The following NDUFS4 variants were observed in gnomAD, a reference collection of about 807,000 sequenced individuals.
The protein encoded by NDUFS4 is NADH:ubiquinone oxidoreductase subunit S4, also known as NADH dehydrogenase [ubiquinone] iron-sulfur protein 4, mitochondrial.
NDUFS4 carries 28 observed loss-of-function variants against 24.3 expected under a neutral mutation model. That is an observed-to-expected ratio of 1.15 (90% confidence interval 0.85 to 1.58). The LOEUF (loss-of-function observed/expected upper bound fraction) is 1.58. Among genes scored for constraint, NDUFS4 ranks in the 40% most tolerant of loss-of-function variants. The probability of loss-of-function intolerance (pLI) is 0.00; values close to 1 mark genes in which losing one functional copy is unlikely to be tolerated. For synonymous variants in NDUFS4, 93 were observed against 69.7 expected (o/e 1.34, Z -1.67); for missense variants, 223 against 207.9 (o/e 1.07, Z -0.45).
chr5:53,629,356 T>C (rs1751329425), intron 2 of NDUFS4, among the ~76,000 whole-genome samples: 2 of 152,192 alleles, frequency 1.3e-5, no homozygotes, highest in Admixed American at 6.5e-5. Context: ...GTATATTCTA[T>C]TGATTTGGGG....
chr5:53,567,818 C>G (rs937527783), intron 1 of NDUFS4, among the ~76,000 whole-genome samples: 1 of 152,064 alleles, frequency 6.6e-6, no homozygotes, highest in Admixed American at 6.5e-5. Flanking sequence ...AAATGAAATT[C>G]TGATGATGGC....
intron 3 of NDUFS4, among the ~76,000 whole-genome samples, chr5:53,655,624 T>C (rs1752138652): frequency 6.6e-6 from 1 of 151,970 alleles, no homozygotes; most frequent in Non-Finnish European, 1.5e-5. Context: ...ATTCAAACAA[T>C]TAATATAGAG....
intron 1 of NDUFS4, among the ~76,000 whole-genome samples, chr5:53,569,707 C>G: frequency 6.6e-6 from 1 of 152,136 alleles, no homozygotes; most frequent in Non-Finnish European, 1.5e-5. Context: ...CTTGTCAGCC[C>G]TTCAGATAAT....
In NDUFS4 at chr5:53,682,920, A is replaced by AATCT. The variant is rs1740717212; in HGVS notation, c.425-197_425-194dup. On this transcript the variant is annotated intron_variant, in intron 4 of 4. Transcript: ENST00000296684. ...GAGATATGGTAAATAATCTGCAGGC[A>AATCT]ATCTTTTGGACCCTTTTCTCACAGA... 1.3e-4 allele frequency among the ~76,000 whole-genome samples: 19 copies of AATCT among 143,076 alleles called. 1 individual carries two copies. In the South Asian group the frequency reaches 4.2e-3, roughly 32 times the overall value. The allele number at this position is 143,076 out of a possible 152,430, so 93.9% of individuals were successfully genotyped here. A position where few individuals can be genotyped will look rare whatever the true frequency, so the allele number is the denominator to read the frequency against.
chr5:53,563,252 AAAG>A (rs1200393406), intron 1 of NDUFS4, among the ~76,000 whole-genome samples: 6 of 151,034 alleles, frequency 4.0e-5, no homozygotes, highest in South Asian at 4.2e-4. Context: ...AAAAAAAAAA[AAAG>A]AAAAGGAAGG....
At chr5:53,598,637 A>T (rs1439051678) in intron 1 of NDUFS4, among the ~76,000 whole-genome samples, 1 of 152,146 alleles carries the variant, frequency 6.6e-6, no homozygotes, top group Admixed American at 6.5e-5. Flanking sequence ...ACTGATAAAA[A>T]TTTATCTCAT....
chr5:53,655,334 C>G (rs1752131039), intron 3 of NDUFS4, among the ~76,000 whole-genome samples: 1 of 150,252 alleles, frequency 6.7e-6, no homozygotes, highest in South Asian at 2.1e-4. Flanking sequence ...AACCACCGTT[C>G]TGACTTCTAA....
chr5:53,604,482 T>A (rs1204781126), intron 2 of NDUFS4, among the ~76,000 whole-genome samples: 1 of 152,216 alleles, frequency 6.6e-6, no homozygotes, highest in East Asian at 1.9e-4. Flanking sequence ...ATTGTCATCA[T>A]CCTGATCTAG....
At chr5:53,628,725 C>T (rs1238058000) in intron 2 of NDUFS4, among the ~76,000 whole-genome samples, 1 of 152,094 alleles carries the variant, frequency 6.6e-6, no homozygotes, top group African/African-American at 2.4e-5. Context: ...GTGGTGATAT[C>T]CACTTTATTG....
At chr5:53,614,456 A>G (rs1401339686) in intron 2 of NDUFS4, among the ~76,000 whole-genome samples, 2 of 151,960 alleles carry the variant, frequency 1.3e-5, no homozygotes, top group African/African-American at 4.8e-5. Flanking sequence ...TACAGTATTC[A>G]GCCATCTCTA....
chr5:53,586,892 C>T lies in NDUFS4; in HGVS notation c.99-16560C>T, dbSNP rs143674691. ...AGGCAGGAGTGCATTGGCACAATAT[C>T]GGCTCACTGCAACTTCCACTTCCCG... On this transcript the variant is annotated intron_variant, in intron 1 of 4. Transcript: ENST00000296684. Among the ~76,000 whole-genome samples the T allele has an allele frequency of 6.0e-3, 908 of 151,996 alleles. 4 individuals carry two copies. The highest frequency in any genetic ancestry group is 9.4e-3 in the Non-Finnish European group (637 of 67,988).
chr5:53,675,385 A>G (rs1447441021), intron 4 of NDUFS4, among the ~76,000 whole-genome samples: 2 of 151,792 alleles, frequency 1.3e-5, no homozygotes, highest in Non-Finnish European at 2.9e-5. Flanking sequence ...GATGTTCTCG[A>G]TTTCCTGACC....
chr5:53,677,774 G>T (rs1161774855), intron 4 of NDUFS4, among the ~76,000 whole-genome samples: 3 of 152,156 alleles, frequency 2.0e-5, no homozygotes, highest in Non-Finnish European at 4.4e-5. Context: ...GTGACTGTCA[G>T]TTACGTCAGT....
chr5:53,659,790 T>A (rs1752274788), intron 4 of NDUFS4, among the ~76,000 whole-genome samples: 1 of 152,192 alleles, frequency 6.6e-6, no homozygotes, highest in Non-Finnish European at 1.5e-5. Flanking sequence ...CTTTTTCACC[T>A]AGTATTGTAT....
chr5:53,578,543 C>T (rs936509994), intron 1 of NDUFS4, among the ~76,000 whole-genome samples: 1 of 152,144 alleles, frequency 6.6e-6, no homozygotes, highest in Non-Finnish European at 1.5e-5. Flanking sequence ...TCAACTCTAC[C>T]TACATTTGAG....
chr5:53,671,858 T>G (rs1740257632), intron 4 of NDUFS4, among the ~76,000 whole-genome samples: 4 of 152,172 alleles, frequency 2.6e-5, no homozygotes, highest in Non-Finnish European at 5.9e-5. Context: ...AGTTTGTGAC[T>G]TTTGTCTAGT....
intron 1 of NDUFS4, among the ~76,000 whole-genome samples, chr5:53,568,797 ACTCTT>A (rs1475900613): frequency 2.0e-5 from 3 of 151,798 alleles, no homozygotes; most frequent in Non-Finnish European, 4.4e-5. Context: ...ATGCTTCTCT[ACTCTT>A]TTGTGTTTGA....
At chr5:53,627,529 C>T (rs770182936) in intron 2 of NDUFS4, among the ~76,000 whole-genome samples, 4 of 152,096 alleles carry the variant, frequency 2.6e-5, no homozygotes, top group Admixed American at 1.3e-4. Context: ...AATGTTCTTT[C>T]GTTTGTTCGT....
chr5:53,624,462 G>C (rs1007332629), intron 2 of NDUFS4, among the ~76,000 whole-genome samples: 4 of 152,154 alleles, frequency 2.6e-5, no homozygotes, highest in Admixed American at 1.3e-4. Flanking sequence ...GATGTTTCCA[G>C]TTGATGAACA....
Sources: gnomAD v4.1 joint callset for allele counts (sites outside exome capture counted in the v4.1 genomes callset) on GRCh38, gnomAD v4.1.1 for gene constraint, MANE v1.5 for transcripts, NCBI Gene and HGNC (gene_info 2026-07-23, HGNC 2026-07-21) for gene names.